KAZN: variants seen among roughly 807,000 people sequenced by gnomAD.
KAZN encodes kazrin.
KAZN carries 40 observed loss-of-function variants against 87.4 expected under a neutral mutation model. The ratio of observed to expected loss-of-function variants is 0.46; its 90% CI spans 0.36 to 0.60. The LOEUF (loss-of-function observed/expected upper bound fraction) is 0.60, where lower values mean the gene tolerates loss of function less well. Ranked by LOEUF, KAZN falls within the 20% of genes least tolerant of loss-of-function variation. The probability of loss-of-function intolerance (pLI) is 0.00; values close to 1 mark genes in which losing one functional copy is unlikely to be tolerated. For missense variants in KAZN, 898 were observed against 1,073.9 expected (o/e 0.84, Z 2.29); for synonymous variants, 466 against 458.3 (o/e 1.02, Z -0.22).
chr1:13,995,869 C>T (rs1271465379), intron 1 of KAZN, among the ~76,000 whole-genome samples: 1 of 152,184 alleles, frequency 6.6e-6, no homozygotes, highest in Non-Finnish European at 1.5e-5. Flanking sequence ...CTAAGCTCAC[C>T]ATTGTTTTGG....
chr1:15,071,269 TG>T (rs368998297), intron 8 of KAZN, among the ~76,000 whole-genome samples: 6,577 of 152,146 alleles, frequency 0.043, 167 homozygotes, highest in South Asian at 0.077. Flanking sequence ...TTTTCTTTTT[TG>T]AGGCAGAGTC....
At chr1:14,939,599 G>A (rs61773638) in intron 1 of KAZN, among the ~76,000 whole-genome samples, 18,601 of 152,220 alleles carry the variant, frequency 0.12, 1,434 homozygotes, top group Admixed American at 0.22. Flanking sequence ...CATGAGGTCC[G>A]CATTGGCAGT....
At chr1:14,647,086 A>G (rs1246297421) in intron 1 of KAZN, among the ~76,000 whole-genome samples, 4 of 152,184 alleles carry the variant, frequency 2.6e-5, no homozygotes, top group African/African-American at 9.7e-5. Context: ...CCGACATTTT[A>G]CTTACATCTT....
intron 1 of KAZN, among the ~76,000 whole-genome samples, chr1:14,932,201 G>A (rs74059671): frequency 0.032 from 4,897 of 152,224 alleles, 243 homozygotes; most frequent in East Asian, 0.13. Context: ...CCTCTGGGCC[G>A]CCTGTGGGGC....
chr1:14,399,794 C>CGAA (rs1663230590), intron 2 of KAZN, among the ~76,000 whole-genome samples: 1 of 151,164 alleles, frequency 6.6e-6, no homozygotes, highest in Admixed American at 6.6e-5. Context: ...GGAAGGCTTC[C>CGAA]CCGAGGCTCT....
intron 1 of KAZN, among the ~76,000 whole-genome samples, chr1:13,925,416 T>C (rs915439403): frequency 4.6e-5 from 7 of 152,112 alleles, no homozygotes; most frequent in African/African-American, 1.7e-4. Context: ...GATGGGAGTA[T>C]GGGTGGTTGG....
chr1:14,587,074 A>G (rs1675896112), intron 2 of KAZN, among the ~76,000 whole-genome samples: 1 of 152,214 alleles, frequency 6.6e-6, no homozygotes, highest in Non-Finnish European at 1.5e-5. Context: ...ATTAATAATT[A>G]CACGTATATT....
At chr1:14,286,684 C>T (rs1653278629) in intron 2 of KAZN, among the ~76,000 whole-genome samples, 1 of 152,148 alleles carries the variant, frequency 6.6e-6, no homozygotes, top group South Asian at 2.1e-4. Flanking sequence ...AAGCTCTAAG[C>T]CCACTTTGTA....
At chr1:14,425,622 T>G (rs901623960) in intron 2 of KAZN, among the ~76,000 whole-genome samples, 2 of 152,180 alleles carry the variant, frequency 1.3e-5, no homozygotes, top group African/African-American at 4.8e-5. Context: ...AATTCATCCA[T>G]GGACACATTC....
chr1:13,934,233 G>C (rs540450149), intron 1 of KAZN, among the ~76,000 whole-genome samples: 21 of 152,332 alleles, frequency 1.4e-4, no homozygotes, highest in African/African-American at 5.1e-4. Flanking sequence ...GGTAAAGTGA[G>C]GTTGAGTTTC....
Position 14,880,912 on chromosome 1 carries a change from T to C in KAZN, c.227-79772T>C, listed in dbSNP as rs979319687. Among the ~76,000 whole-genome samples the C allele has an allele frequency of 3.2e-4, 48 of 152,332 alleles. 2 individuals are homozygous for C. The highest frequency in any genetic ancestry group is 1.0e-4 in the Non-Finnish European group (7 of 68,028). ...CCAGTGGAATATGATTTATACCAGTTGCTAGGCTCGTGCTGAGGGTTGAGC... is the reference window on the plus strand; with the variant it reads ...CCAGTGGAATATGATTTATACCAGTCGCTAGGCTCGTGCTGAGGGTTGAGC... On this transcript the variant is annotated intron_variant, in intron 1 of 14. Transcript: ENST00000376030.
chr1:14,689,432 G>A (rs184282717), intron 1 of KAZN, among the ~76,000 whole-genome samples: 8 of 152,286 alleles, frequency 5.3e-5, no homozygotes, highest in Non-Finnish European at 7.4e-5. Flanking sequence ...CAAAGCTGCC[G>A]GAGGATGTTG....
intron 1 of KAZN, among the ~76,000 whole-genome samples, chr1:14,680,224 T>A (rs1640486988): frequency 6.6e-6 from 1 of 152,172 alleles, no homozygotes; most frequent in African/African-American, 2.4e-5. Flanking sequence ...GACAAGTGCA[T>A]ACACTGATGG....
chr1:14,728,052 G>C (rs1203850351), intron 1 of KAZN, among the ~76,000 whole-genome samples: 1 of 151,876 alleles, frequency 6.6e-6, no homozygotes, highest in East Asian at 2.0e-4. Flanking sequence ...TTGGGAGGCC[G>C]AGACGGGCGG....
intron 1 of KAZN, among the ~76,000 whole-genome samples, chr1:14,937,075 A>G (rs893612808): frequency 8.5e-5 from 13 of 152,108 alleles, no homozygotes; most frequent in African/African-American, 2.7e-4. Context: ...TGCTCATTGC[A>G]GCCCCTCTGG....
At chr1:14,394,279 A>G (rs16850196) in intron 2 of KAZN, among the ~76,000 whole-genome samples, 5,284 of 152,354 alleles carry the variant, frequency 0.035, 308 homozygotes, top group African/African-American at 0.12. Context: ...CAATGGCCTG[A>G]GACCCTGGGA....
intron 1 of KAZN, among the ~76,000 whole-genome samples, chr1:14,910,248 C>A (rs1228787543): frequency 2.0e-5 from 3 of 152,152 alleles, no homozygotes; most frequent in Non-Finnish European, 4.4e-5. Flanking sequence ...GATCTGTTTT[C>A]CCAGGAGTGC....
intron 2 of KAZN, among the ~76,000 whole-genome samples, chr1:14,478,038 A>C (rs1571747917): frequency 6.6e-6 from 1 of 152,186 alleles, no homozygotes; most frequent in Non-Finnish European, 1.5e-5. Context: ...CATTGTGTAC[A>C]GTCTCACTCA....
chr1:13,982,086 T>C (rs1251912487), intron 1 of KAZN, among the ~76,000 whole-genome samples: 1 of 152,238 alleles, frequency 6.6e-6, no homozygotes. Context: ...TTATTTCCAT[T>C]GTTATTGGGC....
Sources: allele counts gnomAD v4.1 joint callset (sites outside exome capture counted in the v4.1 genomes callset), GRCh38; gene constraint gnomAD v4.1.1; transcripts MANE v1.5; gene names NCBI Gene and HGNC (gene_info 2026-07-23, HGNC 2026-07-21).